HM13: variants seen among roughly 807,000 people sequenced by gnomAD.
HM13 encodes histocompatibility minor 13.
HM13 carries 18 observed loss-of-function variants against 50.0 expected under a neutral mutation model. The ratio of observed to expected loss-of-function variants is 0.36; its 90% CI spans 0.25 to 0.53. HM13 has a LOEUF of 0.53. Among genes scored for constraint, HM13 ranks in the 20% least tolerant of loss-of-function variants. The probability of loss-of-function intolerance (pLI) is 0.90; values close to 1 mark genes in which losing one functional copy is unlikely to be tolerated. For synonymous variants in HM13, 197 were observed against 232.6 expected, an observed-to-expected ratio of 0.85 and a Z score of 1.39; for missense variants, 393 against 552.4, an observed-to-expected ratio of 0.71 and a Z score of 2.89.
chr20:31,544,838 A>C (rs1025769551), intron 3 of HM13, 109 bp from the exon 4 acceptor site: 1 of 818,874 alleles, frequency 1.2e-6, no homozygotes. Flanking sequence ...AGTAACACCT[A>C]CCTATCAGGA....
chr20:31,557,345 G>A lies in HM13; in HGVS notation c.809-2266G>A, dbSNP rs568674557. Among the ~76,000 whole-genome samples the A allele has an allele frequency of 5.9e-5, 9 of 152,318 alleles. 1 individual carries two copies. In the East Asian group the frequency reaches 1.7e-3, roughly 29 times the overall value. ...CCTGTGTCCTTGTCATAAGTTCCAGGCTTGAGACAGGCACAGGACATCTCG... is the reference window on the plus strand; with the variant it reads ...CCTGTGTCCTTGTCATAAGTTCCAGACTTGAGACAGGCACAGGACATCTCG... On this transcript the variant is annotated intron_variant, in intron 8 of 12. Coordinates refer to ENST00000398174, the MANE Select transcript of HM13 (RefSeq NM_178581.3).
intron 8 of HM13, among the ~76,000 whole-genome samples, 191 bp downstream of exon 8, chr20:31,555,020 A>C (rs900931988): frequency 6.6e-6 from 1 of 152,232 alleles, no homozygotes; most frequent in African/African-American, 2.4e-5. Flanking sequence ...CCATGCCCCA[A>C]GCTGGGTCCT....
At chr20:31,560,424 T>C (rs574310809) in intron 9 of HM13, among the ~76,000 whole-genome samples, 2 of 152,378 alleles carry the variant, frequency 1.3e-5, no homozygotes, top group South Asian at 4.1e-4. Flanking sequence ...AGAAACTTAC[T>C]ACCAGCATCA....
rs758729513 is a variant in HM13, at chr20:31,549,092, G to A, written c.518G>A (p.Gly173Asp). ...TGCCTGGGCCTGAGCAGCATCGTTGGCGTCTGGTACCTGCTGAGGAAGGTG... is the reference window on the plus strand; with the variant it reads ...TGCCTGGGCCTGAGCAGCATCGTTGACGTCTGGTACCTGCTGAGGAAGGTG... ...LVCLGLSSIV[G>D]VWYLLRKHWI... The change falls in exon 5 of 13, where the codon GGC becomes GAC. Residue 173 changes from glycine (G) to aspartate (D), a missense_variant. Gly to Asp is a moderately conservative substitution (Grantham distance 94, BLOSUM62 -1). Transcript: ENST00000398174. The A allele has an allele frequency of 1.9e-6, 3 of 1,614,106 alleles. No homozygotes were observed. Among genetic ancestry groups the A allele is most frequent in the Admixed American group, 3.3e-5 (2 of 60,026 alleles).
intron 1 of HM13, among the ~76,000 whole-genome samples, chr20:31,519,021 C>T (rs1600608508): frequency 6.6e-6 from 1 of 152,212 alleles, no homozygotes; most frequent in East Asian, 1.9e-4. Context: ...GAGGCAGCCC[C>T]TCTCCTGTGT....
chr20:31,523,106 A>C, intron 1 of HM13, among the ~76,000 whole-genome samples: 1 of 147,712 alleles, frequency 6.8e-6, no homozygotes, highest in Non-Finnish European at 1.5e-5. Flanking sequence ...GCTGGAGTTC[A>C]GTGGCACGAT....
rs1356357341 is a variant in HM13, at chr20:31,561,670, C to G, written c.882C>G (p.Ser294Arg). 1 of 1,613,980 alleles carries G rather than the reference C, an allele frequency of 6.2e-7. No homozygotes were observed. The highest frequency in any genetic ancestry group is 1.7e-5 in the Admixed American group (1 of 60,028). Residue 294 changes from serine to arginine, a missense_variant, in exon 10 of 13, where the codon AGC (serine) becomes AGG (arginine). Ser to Arg is a moderately radical substitution (Grantham distance 110). Coordinates refer to ENST00000398174, the MANE Select transcript of HM13 (RefSeq NM_178581.3). Reference protein sequence around the residue: ...KKNTHTYFYTSFAAYIFGLGL... With the variant: ...KKNTHTYFYTRFAAYIFGLGL... ...ATACCCACACCTACTTCTACACCAG[C>G]TTTGCAGCCTACATCTTCGGCCTGG... is the stretch of plus-strand genomic sequence containing the variant.
chr20:31,525,005 G>A (rs1982404980), intron 1 of HM13, among the ~76,000 whole-genome samples: 1 of 152,050 alleles, frequency 6.6e-6, no homozygotes, highest in African/African-American at 2.4e-5. Flanking sequence ...GAGCCATTGT[G>A]CCCGGCCTCT....
rs911636351 is a variant in HM13 at position 31,514,771 on chromosome 20, C to A, written c.183+37C>A. 4.7e-6 allele frequency: 7 copies of A among 1,481,068 alleles called. No individual in the cohort carries two copies. The highest frequency in any genetic ancestry group is 6.3e-6 in the Non-Finnish European group (7 of 1,116,858). 91.7% of individuals were successfully genotyped at this position (1,481,068 alleles called of 1,614,324 possible). On this transcript the variant is annotated intron_variant, in intron 1 of 12. Coordinates refer to ENST00000398174, the MANE Select transcript of HM13 (RefSeq NM_178581.3). This position sits in a 1 kb window ranked among gnomAD's most constrained non-coding sequence, Gnocchi z 4.3. Reference sequence around the variant, plus strand: ...GGGAAAACCGGGCACTTTCCACCCCCATACCGAACACGGCCGACATGGACC... The same window carrying A: ...GGGAAAACCGGGCACTTTCCACCCCAATACCGAACACGGCCGACATGGACC...
rs146438308 is a variant in HM13 at position 31,561,593 on chromosome 20, A to G, written c.846-41A>G. 42 of 1,361,136 alleles carry G rather than the reference A, an allele frequency of 3.1e-5. No homozygotes were observed. In the Admixed American group the frequency reaches 3.2e-4, roughly 10 times the overall value. 84.3% of individuals were successfully genotyped at this position (1,361,136 alleles called of 1,614,324 possible). A position where few individuals can be genotyped will look rare whatever the true frequency, so the allele number is the denominator to read the frequency against. On this transcript the variant is annotated intron_variant, in intron 9 of 12. Coordinates refer to ENST00000398174, the MANE Select transcript of HM13 (RefSeq NM_178581.3). ...AAGGGGTATTACTAGTTCAGTCCCTATATCTAACCCTCCTCCTCTTTCTTC... is the reference window on the plus strand; with the variant it reads ...AAGGGGTATTACTAGTTCAGTCCCTGTATCTAACCCTCCTCCTCTTTCTTC...
chr20:31,526,444 A>C (rs1159694327), intron 1 of HM13, among the ~76,000 whole-genome samples: 1 of 152,206 alleles, frequency 6.6e-6, no homozygotes, highest in Non-Finnish European at 1.5e-5. Context: ...GGCGTGAGCC[A>C]CTGCGCCTGG....
At chr20:31,532,117 C>G (rs1345600558) in intron 2 of HM13, among the ~76,000 whole-genome samples, 2 of 147,236 alleles carry the variant, frequency 1.4e-5, no homozygotes, top group South Asian at 4.3e-4. Flanking sequence ...TTCTTTTTTT[C>G]TGGACCTCAG....
Position 31,514,873 on chromosome 20 carries a change from G to A in HM13, c.183+139G>A. On this transcript the variant is annotated intron_variant, in intron 1 of 12. Transcript: ENST00000398174. This position sits in a 1 kb window ranked among gnomAD's most constrained non-coding sequence, Gnocchi z 4.3. Reference sequence around the variant, plus strand: ...TGATCACCACCGTTCCCTCTGTCTCGGGCCCACATTCCGGGGCTGGCATTT... The same window carrying A: ...TGATCACCACCGTTCCCTCTGTCTCAGGCCCACATTCCGGGGCTGGCATTT... The A allele has an allele frequency of 1.1e-6, 1 of 910,156 alleles. No homozygotes were observed. Among genetic ancestry groups the A allele is most frequent in the Non-Finnish European group, 1.6e-6 (1 of 640,012 alleles). The allele number at this position is 910,156 out of a possible 1,614,324, so 56.4% of individuals were successfully genotyped here. A position where few individuals can be genotyped will look rare whatever the true frequency, so the allele number is the denominator to read the frequency against.
At chr20:31,561,036 G>A (rs538451180) in intron 9 of HM13, among the ~76,000 whole-genome samples, 1 of 152,304 alleles carries the variant, frequency 6.6e-6, no homozygotes, top group African/African-American at 2.4e-5. Context: ...AGCTGATCTT[G>A]GATGAATCAC....
chr20:31,547,012 T>C (rs752754909), intron 4 of HM13, among the ~76,000 whole-genome samples: 3 of 152,208 alleles, frequency 2.0e-5, no homozygotes, highest in Non-Finnish European at 2.9e-5. Context: ...CTCCGCCATA[T>C]ACAGCACTGG....
intron 1 of HM13, among the ~76,000 whole-genome samples, chr20:31,519,876 T>G (rs1454340516): frequency 5.5e-5 from 8 of 144,650 alleles, no homozygotes; most frequent in African/African-American, 1.8e-4. Context: ...ACAGTCTCGC[T>G]CTGTTGCCCA....
rs544128055 is a variant in HM13 at position 31,553,252 on chromosome 20, C to T, written c.725-1494C>T. Among the ~76,000 whole-genome samples, 94 of 148,688 alleles carry T rather than the reference C, an allele frequency of 6.3e-4. 1 individual carries two copies. Among genetic ancestry groups the T allele is most frequent in the African/African-American group, 2.0e-3 (79 of 40,418 alleles). ...CAGAGGTTGCAGTGAGCCGATATTG[C>T]GCCACTGGACTCCAGCCTGGGCAAC... On this transcript the variant is annotated intron_variant, in intron 7 of 12. Transcript: ENST00000398174.
intron 3 of HM13, chr20:31,538,581 G>A (rs1983254733): frequency 7.7e-7 from 1 of 1,294,380 alleles, no homozygotes; most frequent in Non-Finnish European, 9.8e-7. Context: ...CCACCTGCCG[G>A]GTGTTGTGGC....
chr20:31,522,357 GT>G (rs1218139749), intron 1 of HM13, among the ~76,000 whole-genome samples: 1 of 152,018 alleles, frequency 6.6e-6, no homozygotes, highest in Non-Finnish European at 1.5e-5. Context: ...GAGGTCAGGA[GT>G]TTGAGACCAG....
Sources: gnomAD v4.1 joint callset for allele counts (sites outside exome capture counted in the v4.1 genomes callset) on GRCh38, gnomAD v4.1.1 for gene constraint, Gnocchi (gnomAD v3.1) non-coding constraint, MANE v1.5 for transcripts, NCBI Gene and HGNC (gene_info 2026-07-23, HGNC 2026-07-21) for gene names.